SMYD3: variants seen among roughly 807,000 people sequenced by gnomAD.
SMYD3 encodes the protein histone-lysine N-methyltransferase SMYD3.
In SMYD3, 36 loss-of-function variants were observed where a neutral mutation model predicts 57.7. That is an observed-to-expected ratio of 0.62 (90% CI 0.48 to 0.82). The LOEUF (loss-of-function observed/expected upper bound fraction) is 0.82. SMYD3 is among the 40% of genes least tolerant of loss of function. The probability of loss-of-function intolerance (pLI) is 0.00; values close to 1 mark genes in which losing one functional copy is unlikely to be tolerated. For synonymous variants in SMYD3, 211 were observed against 195.0 expected (o/e 1.08, Z -0.68); for missense variants, 515 against 538.8 (o/e 0.96, Z 0.44).
At chr1:246,326,070 A>G (rs1212596405) in intron 5 of SMYD3, 1 of 262,904 alleles carries the variant, frequency 3.8e-6, no homozygotes, top group Non-Finnish European at 7.1e-6. Context: ...ATACAGAATA[A>G]AAATACATTT....
At chr1:245,999,235 A>C (rs1400009992) in intron 5 of SMYD3, among the ~76,000 whole-genome samples, 1 of 152,198 alleles carries the variant, frequency 6.6e-6, no homozygotes, top group South Asian at 2.1e-4. Context: ...AATAAAAAAA[A>C]AATAAGAGCT....
Position 246,151,022 on chromosome 1 carries a change from T to A in SMYD3, c.531+176179A>T, listed in dbSNP as rs571786330. Reference sequence around the variant, plus strand: ...CAGCACTTTGGGAGGTCGAGGCGGGTGGATCACGAGGTCAGGAGTTCAAGA... The same window carrying A: ...CAGCACTTTGGGAGGTCGAGGCGGGAGGATCACGAGGTCAGGAGTTCAAGA... On this transcript the variant is annotated intron_variant, in intron 5 of 11. Coordinates refer to ENST00000490107, the MANE Select transcript of SMYD3 (RefSeq NM_001167740.2). Among the ~76,000 whole-genome samples, 442 of 151,684 alleles carry A rather than the reference T, an allele frequency of 2.9e-3. 1 individual carries two copies. Among genetic ancestry groups the A allele is most frequent in the Non-Finnish European group, 5.3e-3 (360 of 67,840 alleles).
intron 5 of SMYD3, among the ~76,000 whole-genome samples, chr1:246,185,711 C>T (rs2062628737): frequency 6.6e-6 from 1 of 152,124 alleles, no homozygotes; most frequent in Non-Finnish European, 1.5e-5. Flanking sequence ...TCACCCGCCT[C>T]GGCCTCCCAA....
intron 11 of SMYD3, among the ~76,000 whole-genome samples, chr1:245,758,929 A>G (rs1024957804): frequency 6.6e-6 from 1 of 152,134 alleles, no homozygotes; most frequent in South Asian, 2.1e-4. Context: ...TCTGAATTTT[A>G]CCTCAACCTG....
intron 2 of SMYD3, among the ~76,000 whole-genome samples, chr1:246,354,706 C>T (rs1482556031): frequency 1.3e-5 from 2 of 150,880 alleles, no homozygotes; most frequent in Admixed American, 6.6e-5. Flanking sequence ...CAAGCAAATG[C>T]TGCAAAGACA....
In SMYD3 at chr1:246,232,818, T is replaced by C. The variant is rs1340060159; in HGVS notation, c.531+94383A>G. Among the ~76,000 whole-genome samples the C allele has an allele frequency of 2.7e-4, 33 of 121,544 alleles. 2 individuals are homozygous for C. Among genetic ancestry groups the C allele is most frequent in the East Asian group, 4.3e-4 (1 of 2,314 alleles). The allele number at this position is 121,544 out of a possible 152,430, so 79.7% of individuals were successfully genotyped here. The stretch of plus-strand genomic sequence containing the variant: ...CACAGAGAAGAAGCGCTCCTTCAAT[T>C]CACACTGTGATGAACATATACCACA... On this transcript the variant is annotated intron_variant, in intron 5 of 11. Transcript: ENST00000490107.
chr1:246,126,048 C>T (rs892723704), intron 5 of SMYD3, among the ~76,000 whole-genome samples: 2 of 152,202 alleles, frequency 1.3e-5, no homozygotes, highest in Admixed American at 6.5e-5. Context: ...AGCCAGCCAT[C>T]TGGAAAGTGC....
At chr1:246,297,811 C>T (rs2064822497) in intron 5 of SMYD3, among the ~76,000 whole-genome samples, 1 of 152,048 alleles carries the variant, frequency 6.6e-6, no homozygotes, top group South Asian at 2.1e-4. Flanking sequence ...CTAAGACTTC[C>T]ATTTCAGTTC....
At chr1:246,413,504 T>A (rs914859828) in intron 1 of SMYD3, among the ~76,000 whole-genome samples, 2 of 152,110 alleles carry the variant, frequency 1.3e-5, no homozygotes, top group Non-Finnish European at 2.9e-5. Context: ...TGAATATACG[T>A]CCCCACCAAA....
At chr1:246,242,864 A>G (rs551542690) in intron 5 of SMYD3, among the ~76,000 whole-genome samples, 2 of 152,298 alleles carry the variant, frequency 1.3e-5, no homozygotes, top group African/African-American at 4.8e-5. Flanking sequence ...AGGCCATTAC[A>G]TAATGGTAAA....
chr1:246,310,931 G>A (rs1272831427), intron 5 of SMYD3, among the ~76,000 whole-genome samples: 1 of 151,984 alleles, frequency 6.6e-6, no homozygotes, highest in African/African-American at 2.4e-5. Flanking sequence ...GCCTCCCAAA[G>A]TGCTGGGATT....
At chr1:246,234,199 C>A (rs7530782) in intron 5 of SMYD3, among the ~76,000 whole-genome samples, 6,102 of 148,760 alleles carry the variant, frequency 0.041, 366 homozygotes, top group African/African-American at 0.15. Context: ...TGAACATATA[C>A]CACACAGAGG....
intron 7 of SMYD3, among the ~76,000 whole-genome samples, chr1:245,917,694 T>C (rs146900906): frequency 6.6e-6 from 1 of 152,354 alleles, no homozygotes; most frequent in Non-Finnish European, 1.5e-5. Flanking sequence ...TTACCTGCTC[T>C]AGTTTTTCTT....
intron 2 of SMYD3, among the ~76,000 whole-genome samples, 164 bp from the exon 3 acceptor site, chr1:246,335,638 G>A (rs984360382): frequency 1.3e-5 from 2 of 152,190 alleles, no homozygotes; most frequent in Non-Finnish European, 2.9e-5. Flanking sequence ...AATCCAGGAT[G>A]AGTCTTTGCC....
At chr1:245,766,424 G>T (rs965879577) in intron 10 of SMYD3, among the ~76,000 whole-genome samples, 2 of 133,110 alleles carry the variant, frequency 1.5e-5, no homozygotes, top group East Asian at 2.2e-4. Flanking sequence ...AAAAAAAAAA[G>T]GCTGAAAAGG....
At chr1:246,351,022 T>C (rs1429433564) in intron 2 of SMYD3, among the ~76,000 whole-genome samples, 2 of 152,234 alleles carry the variant, frequency 1.3e-5, no homozygotes, top group Non-Finnish European at 2.9e-5. Flanking sequence ...ATCACTGCTT[T>C]GGTTATGGTA....
chr1:246,462,804 G>C (rs1312816995), intron 1 of SMYD3, among the ~76,000 whole-genome samples: 1 of 152,090 alleles, frequency 6.6e-6, no homozygotes. Flanking sequence ...AAACATTTTA[G>C]GTCGAAATGA....
intron 10 of SMYD3, among the ~76,000 whole-genome samples, chr1:245,855,177 A>C (rs998126804): frequency 3.3e-5 from 5 of 152,220 alleles, no homozygotes; most frequent in Non-Finnish European, 7.3e-5. Flanking sequence ...ATGTCCTGAA[A>C]GTCCTCTTCA....
At chr1:245,814,294 A>G in intron 10 of SMYD3, 2 of 849,790 alleles carry the variant, frequency 2.4e-6, no homozygotes, top group Non-Finnish European at 2.8e-6. Context: ...ACCTCCAATT[A>G]TCCAAACCAC....
Sources: gnomAD v4.1 joint callset for allele counts (sites outside exome capture counted in the v4.1 genomes callset) on GRCh38, gnomAD v4.1.1 for gene constraint, MANE v1.5 for transcripts, NCBI Gene and HGNC (gene_info 2026-07-23, HGNC 2026-07-21) for gene names.